The following DDX10 variants were observed in gnomAD, a reference collection of about 807,000 sequenced individuals.
DDX10 encodes the protein DEAD-box helicase 10, also known as probable ATP-dependent RNA helicase DDX10.
Under a neutral mutation model 104.3 loss-of-function variants are expected in DDX10, and 74 were observed. The observed-to-expected ratio is 0.71, with a 90% CI of 0.59 to 0.86. The LOEUF (loss-of-function observed/expected upper bound fraction) is 0.86, where lower values mean the gene tolerates loss of function less well. Ranked by LOEUF, DDX10 falls within the 40% of genes least tolerant of loss-of-function variation. DDX10 has a pLI of 0.00. For synonymous variants in DDX10, 351 were observed against 353.4 expected, an observed-to-expected ratio of 0.99 and a Z score of 0.08; for missense variants, 952 against 1,040.0, an observed-to-expected ratio of 0.92 and a Z score of 1.16.
chr11:108,686,309 T>G (rs2094243999), intron 6 of DDX10, among the ~76,000 whole-genome samples: 1 of 152,196 alleles, frequency 6.6e-6, no homozygotes, highest in African/African-American at 2.4e-5. Flanking sequence ...GCCCATTGAT[T>G]TGGACAAATT....
At chr11:108,800,275 C>A (rs1265745558) in intron 13 of DDX10, among the ~76,000 whole-genome samples, 188 of 105,956 alleles carry the variant, frequency 1.8e-3, no homozygotes, top group Middle Eastern at 9.2e-3. Context: ...ACTAAAAATA[C>A]AAAAAAAAAA....
chr11:108,748,097 G>T (rs1258832133), intron 13 of DDX10, among the ~76,000 whole-genome samples: 1 of 152,102 alleles, frequency 6.6e-6, no homozygotes, highest in Non-Finnish European at 1.5e-5. Flanking sequence ...ATTTTAGAAG[G>T]GACTTGAAAC....
Position 108,915,223 on chromosome 11 carries a change from T to G in DDX10, c.2305-2650T>G, listed in dbSNP as rs185712208. Among the ~76,000 whole-genome samples, 179 of 152,316 alleles carry G rather than the reference T, an allele frequency of 1.2e-3. 1 individual carries two copies. Among genetic ancestry groups the G allele is most frequent in the East Asian group, 4.0e-3 (21 of 5,192 alleles). On this transcript the variant is annotated intron_variant, in intron 16 of 17. Transcript: ENST00000322536. ...CTAGACATATCATGGTCAACTGTTA[T>G]GATAAACAAAAAATTGTGAAATCAG...
At chr11:108,777,315 TTTCTC>T (rs1262560945) in intron 13 of DDX10, among the ~76,000 whole-genome samples, 3 of 152,084 alleles carry the variant, frequency 2.0e-5, no homozygotes, top group East Asian at 3.9e-4. Flanking sequence ...TTCTTTTTCT[TTTCTC>T]TTTCTTTCTT....
intron 1 of DDX10, among the ~76,000 whole-genome samples, chr11:108,671,605 C>T (rs770464687): frequency 6.6e-6 from 1 of 152,136 alleles, no homozygotes; most frequent in Non-Finnish European, 1.5e-5. Flanking sequence ...GCTTTATGGT[C>T]CATACAGTCT....
chr11:108,834,946 A>AAAG, intron 13 of DDX10, among the ~76,000 whole-genome samples: 1 of 151,262 alleles, frequency 6.6e-6, no homozygotes, highest in Non-Finnish European at 1.5e-5. Context: ...AAAAAAAAAA[A>AAAG]AAAGAATTGT....
intron 13 of DDX10, among the ~76,000 whole-genome samples, chr11:108,735,954 A>G (rs1033922644): frequency 6.6e-6 from 1 of 152,192 alleles, no homozygotes; most frequent in African/African-American, 2.4e-5. Context: ...ATAAGTATAA[A>G]CTTACTTATA....
intron 13 of DDX10, among the ~76,000 whole-genome samples, chr11:108,748,575 T>C (rs1377475487): frequency 6.6e-6 from 1 of 152,178 alleles, no homozygotes; most frequent in East Asian, 1.9e-4. Context: ...CGAATTAAAA[T>C]AGAAATCAGT....
At chr11:108,666,066 C>G (rs1229976460) in intron 1 of DDX10, among the ~76,000 whole-genome samples, 1 of 152,204 alleles carries the variant, frequency 6.6e-6, no homozygotes, top group African/African-American at 2.4e-5. Flanking sequence ...AACCTCCAGA[C>G]TCCACAGGTC....
intron 13 of DDX10, among the ~76,000 whole-genome samples, chr11:108,787,008 C>G (rs7109179): frequency 0.058 from 6,373 of 109,634 alleles, 369 homozygotes; most frequent in African/African-American, 0.17. Context: ...ATGTTTAGCA[C>G]TCCCTTTAGG....
intron 13 of DDX10, among the ~76,000 whole-genome samples, chr11:108,792,496 C>T (rs1289332808): frequency 2.0e-5 from 3 of 152,118 alleles, no homozygotes; most frequent in Admixed American, 2.0e-4. Context: ...ATTGTTTTAG[C>T]AACATTTATT....
At chr11:108,837,642 T>TTTTTTTA (rs1862575101) in intron 13 of DDX10, among the ~76,000 whole-genome samples, 1 of 116,268 alleles carries the variant, frequency 8.6e-6, no homozygotes, top group African/African-American at 3.4e-5. Flanking sequence ...TTTTTTTTTT[T>TTTTTTTA]AGGCAAAGCC....
chr11:108,751,346 A>G (rs2094338471), intron 13 of DDX10, among the ~76,000 whole-genome samples: 1 of 152,112 alleles, frequency 6.6e-6, no homozygotes, highest in Non-Finnish European at 1.5e-5. Context: ...TAAAGCAAAT[A>G]ATTTTTACTT....
At chr11:108,719,771 G>A (rs2094296069) in intron 11 of DDX10, 26 bp from the exon 12 acceptor site, 1 of 1,368,162 alleles carries the variant, frequency 7.3e-7, no homozygotes, top group Non-Finnish European at 1.0e-6. Context: ...CTATTATATT[G>A]TACTTTTCAA....
intron 13 of DDX10, among the ~76,000 whole-genome samples, chr11:108,802,382 C>G (rs925715266): frequency 6.6e-6 from 1 of 152,068 alleles, no homozygotes; most frequent in Non-Finnish European, 1.5e-5. Flanking sequence ...CTAAATCCAA[C>G]AAAAACTGAC....
intron 9 of DDX10, among the ~76,000 whole-genome samples, chr11:108,699,575 C>G (rs925773501): frequency 2.6e-5 from 4 of 152,106 alleles, no homozygotes; most frequent in Non-Finnish European, 5.9e-5. Context: ...GGGCAAATGA[C>G]AGCTGAGGGA....
At chr11:108,831,407 G>T (rs1220636530) in intron 13 of DDX10, among the ~76,000 whole-genome samples, 1 of 116,306 alleles carries the variant, frequency 8.6e-6, no homozygotes, top group Non-Finnish European at 1.7e-5. Context: ...CCTGGTGACA[G>T]AGCGAGACTG....
intron 16 of DDX10, among the ~76,000 whole-genome samples, chr11:108,909,492 C>T (rs1403129820): frequency 6.6e-6 from 1 of 151,662 alleles, no homozygotes; most frequent in African/African-American, 2.4e-5. Flanking sequence ...ACTCCCGCCC[C>T]TTCCCTTGTC....
chr11:108,894,393 A>G (rs1433179998), intron 16 of DDX10, among the ~76,000 whole-genome samples: 1 of 152,042 alleles, frequency 6.6e-6, no homozygotes, highest in Non-Finnish European at 1.5e-5. Flanking sequence ...GCAGAATATT[A>G]AAAGATGTGT....
Sources: gnomAD v4.1 joint callset for allele counts (sites outside exome capture counted in the v4.1 genomes callset) on GRCh38, gnomAD v4.1.1 for gene constraint, MANE v1.5 for transcripts, NCBI Gene and HGNC (gene_info 2026-07-23, HGNC 2026-07-21) for gene names.